ZNF488: variants seen among roughly 807,000 people sequenced by gnomAD.
ZNF488 encodes zinc finger protein 488.
ZNF488 carries 1 observed loss-of-function variant against 1.2 expected under a neutral mutation model. That is an observed-to-expected ratio of 0.86 (90% CI 0.30 to 4.07). The LOEUF is 4.07. Among genes scored for constraint, ZNF488 ranks in the 30% most tolerant of loss-of-function variants. The pLI is 0.18. For synonymous variants in ZNF488, 185 were observed against 190.1 expected (o/e 0.97, Z 0.22); for missense variants, 450 against 437.9 (o/e 1.03, Z -0.25).
chr10:47,368,284 T>G lies in ZNF488; in HGVS notation c.546A>C (p.Ala182=), dbSNP rs1389107095. Residue 182 remains alanine, a synonymous_variant, in exon 2 of 2, where the codon GCA becomes GCC. Coordinates refer to ENST00000585316, the MANE Select transcript of ZNF488 (RefSeq NM_153034.4). ...ERPELTSVFP[A]GESADALGEL... ...CCCCCAGGGCATCTGCAGATTCCCC[T>G]GCAGGGAAGACTGAGGTTAGCTCAG... 1.5e-5 allele frequency: 25 copies of G among 1,614,098 alleles called. No homozygotes were observed. The highest frequency in any genetic ancestry group is 2.1e-5 in the Non-Finnish European group (25 of 1,180,044).
At position 47,367,884 on chromosome 10, in the gene ZNF488, C is replaced by G. The variant is rs201321161; in HGVS notation, c.946G>C (p.Ala316Pro). The change falls in exon 2 of 2, where the codon GCC (alanine) becomes CCC (proline). Residue 316 changes from alanine to proline, a missense_variant. Ala to Pro is a conservative substitution (Grantham distance 27, BLOSUM62 -1). Coordinates refer to ENST00000585316, the MANE Select transcript of ZNF488 (RefSeq NM_153034.4). ...TCCTGGCACACAGGGCAGGCAAGGGCCTCTTCTCTCCGCTTCTGAGAATGT... is the reference window on the plus strand; with the variant it reads ...TCCTGGCACACAGGGCAGGCAAGGGGCTCTTCTCTCCGCTTCTGAGAATGT... ...DPHSQKRREE[A>P]LACPVCQEHF... 3.7e-6 allele frequency: 6 copies of G among 1,613,988 alleles called. No homozygotes were observed. Among genetic ancestry groups the G allele is most frequent in the Non-Finnish European group, 5.1e-6 (6 of 1,180,008 alleles).
At chr10:47,377,524 A>T (rs1555214554) in intron 1 of ZNF488, among the ~76,000 whole-genome samples, 1 of 151,946 alleles carries the variant, frequency 6.6e-6, no homozygotes, top group Non-Finnish European at 1.5e-5. Flanking sequence ...GGACTCTCTC[A>T]CAGAACAATA....
intron 1 of ZNF488, among the ~76,000 whole-genome samples, chr10:47,379,562 G>A (rs1328955146): frequency 1.4e-5 from 2 of 145,466 alleles, no homozygotes; most frequent in African/African-American, 5.2e-5. Context: ...ATGGAGTAAG[G>A]TCAGTAAGGC....
At chr10:47,381,058 G>C (rs1208797795) in intron 1 of ZNF488, among the ~76,000 whole-genome samples, 3 of 152,294 alleles carry the variant, frequency 2.0e-5, no homozygotes, top group African/African-American at 7.2e-5. Context: ...AACAGCCTGG[G>C]CATTTTTCTC....
Position 47,367,586 on chromosome 10 carries a change from C to A in ZNF488, c.*221G>T, listed in dbSNP as rs1236060766. On this transcript the variant is annotated 3_prime_UTR_variant, in exon 2 of 2. Coordinates refer to ENST00000585316, the MANE Select transcript of ZNF488 (RefSeq NM_153034.4). ...CTCTGTGCCTGTTAGGGCCTCTACC[C>A]TGGATTTGCAAAGCCCATCACTTTA... is the stretch of plus-strand genomic sequence containing the variant. 4 of 621,280 alleles carry A rather than the reference C, an allele frequency of 6.4e-6. No homozygotes were observed. The highest frequency in any genetic ancestry group is 1.1e-5 in the Non-Finnish European group (4 of 355,518). 38.5% of individuals were successfully genotyped at this position (621,280 alleles called of 1,614,324 possible). A position where few individuals can be genotyped will look rare whatever the true frequency, so the allele number is the denominator to read the frequency against.
intron 1 of ZNF488, among the ~76,000 whole-genome samples, chr10:47,383,805 G>T (rs1838077257): frequency 6.6e-6 from 1 of 152,064 alleles, no homozygotes; most frequent in Admixed American, 6.5e-5. Flanking sequence ...GACAGTGGGA[G>T]GGAGGAAAAC....
chr10:47,373,019 G>A (rs1555214043), intron 1 of ZNF488, among the ~76,000 whole-genome samples: 1 of 152,196 alleles, frequency 6.6e-6, no homozygotes, highest in Non-Finnish European at 1.5e-5. Flanking sequence ...GGCAGACTGA[G>A]CTCTGTGGCT....
Position 47,368,666 on chromosome 10 carries a change from C to T in ZNF488, c.164G>A (p.Arg55His), listed in dbSNP as rs374041008. 1.1e-4 allele frequency: 171 copies of T among 1,612,000 alleles called. 1 individual carries two copies. The South Asian group carries it at 1.2e-3, about 12-fold the overall frequency. ...CKPVLLEKTN[R>H]LGPEAAVGRA... The stretch of plus-strand genomic sequence containing the variant: ...GCCCACAGCAGCCTCAGGGCCCAGG[C>T]GGTTCGTCTTCTCGAGCAGCACTGG... Residue 55 changes from arginine (R) to histidine (H), a missense_variant, in exon 2 of 2, where the codon CGC (arginine) becomes CAC (histidine). Physicochemically the swap from Arg to His is conservative, Grantham distance 29 (BLOSUM62 0). Coordinates refer to ENST00000585316, the MANE Select transcript of ZNF488 (RefSeq NM_153034.4).
chr10:47,370,478 A>T (rs1837424033), intron 1 of ZNF488, among the ~76,000 whole-genome samples: 1 of 152,224 alleles, frequency 6.6e-6, no homozygotes, highest in Non-Finnish European at 1.5e-5. Context: ...GGGTGCCAAG[A>T]GTCACCTTAA....
chr10:47,377,848 C>A (rs1189898648), intron 1 of ZNF488, among the ~76,000 whole-genome samples: 1 of 152,198 alleles, frequency 6.6e-6, no homozygotes, highest in Non-Finnish European at 1.5e-5. Flanking sequence ...GTGTTTGCAC[C>A]CTGGTTGAGG....
intron 1 of ZNF488, among the ~76,000 whole-genome samples, chr10:47,381,251 G>A (rs1263366860): frequency 6.6e-6 from 1 of 152,264 alleles, no homozygotes; most frequent in Non-Finnish European, 1.5e-5. Flanking sequence ...CTCCCCCCAA[G>A]CAGTGCTTTG....
In ZNF488 at chr10:47,368,498, C is replaced by CA. The variant is rs1662729700; in HGVS notation, c.331_332insT (p.Arg111LeufsTer14). The CA allele has an allele frequency of 1.2e-6, 2 of 1,613,854 alleles. No individual in the cohort carries two copies. Among genetic ancestry groups the CA allele is most frequent in the Non-Finnish European group, 1.7e-6 (2 of 1,179,972 alleles). On this transcript the variant is annotated frameshift_variant, in exon 2 of 2. Coordinates refer to ENST00000585316, the MANE Select transcript of ZNF488 (RefSeq NM_153034.4). LOFTEE classifies it low-confidence loss of function (END_TRUNC). ...CTCCTGGGCCTGAGCATCCACCTGC[C>CA]GGTCCTTCATCCTCGGCAGCTCCGT...
chr10:47,372,950 T>C (rs930550691), intron 1 of ZNF488, among the ~76,000 whole-genome samples: 8 of 152,110 alleles, frequency 5.3e-5, no homozygotes, highest in African/African-American at 1.9e-4. Context: ...CCCACTGGAA[T>C]CAGGCACCTC....
chr10:47,369,518 G>A (rs781431246), intron 1 of ZNF488, among the ~76,000 whole-genome samples: 8 of 152,082 alleles, frequency 5.3e-5, no homozygotes, highest in Non-Finnish European at 1.0e-4. Context: ...TCTCTGTCCC[G>A]ACCCTAATTT....
In ZNF488 at chr10:47,368,497, C is replaced by A; in HGVS notation, c.333G>T (p.Arg111=). The change falls in exon 2 of 2, where the codon CGG becomes CGT. Residue 111 remains arginine (R), a synonymous_variant. Coordinates refer to ENST00000585316, the MANE Select transcript of ZNF488 (RefSeq NM_153034.4). ...TCTCCTGGGCCTGAGCATCCACCTGCCGGTCCTTCATCCTCGGCAGCTCCG... is the reference window on the plus strand; with the variant it reads ...TCTCCTGGGCCTGAGCATCCACCTGACGGTCCTTCATCCTCGGCAGCTCCG... ...AFTELPRMKD[R]QVDAQAQERE... The A allele has an allele frequency of 6.2e-7, 1 of 1,613,900 alleles. No homozygotes were observed. The highest frequency in any genetic ancestry group is 1.1e-5 in the South Asian group (1 of 91,070).
intron 1 of ZNF488, among the ~76,000 whole-genome samples, chr10:47,375,922 A>G (rs1387822359): frequency 2.6e-5 from 4 of 152,186 alleles, no homozygotes; most frequent in Non-Finnish European, 5.9e-5. Context: ...AGAACGGCAC[A>G]CGCGAATGCC....
In ZNF488 at chr10:47,375,035, C is replaced by T. The variant is rs372902186; in HGVS notation, c.-108-6098G>A. ...TTACTGTGGCACTTAATAAAGCTCA[C>T]CCCCTGACGAAACTGAGTGGACACA... On this transcript the variant is annotated intron_variant, in intron 1 of 1. Coordinates refer to ENST00000585316, the MANE Select transcript of ZNF488 (RefSeq NM_153034.4). Among the ~76,000 whole-genome samples the T allele has an allele frequency of 2.9e-4, 44 of 152,320 alleles. 1 individual carries two copies. The South Asian group carries it at 8.9e-3, about 31-fold the overall frequency.
rs934188597 is a variant in ZNF488 at position 47,379,172 on chromosome 10, G to T, written c.-109+5048C>A. Among the ~76,000 whole-genome samples the T allele has an allele frequency of 6.1e-5, 8 of 131,740 alleles. No individual in the cohort carries two copies. The East Asian group carries it at 6.5e-4, about 11-fold the overall frequency. 86.4% of individuals were successfully genotyped at this position (131,740 alleles called of 152,430 possible). A position where few individuals can be genotyped will look rare whatever the true frequency, so the allele number is the denominator to read the frequency against. The stretch of plus-strand genomic sequence containing the variant: ...TCAGAATAGAAGTTACCATTTATCG[G>T]CTACGTAAGTATCTACATGACAAAC... On this transcript the variant is annotated intron_variant, in intron 1 of 1. Transcript: ENST00000585316.
At chr10:47,377,671 T>TCTCACACACA (rs1555214622) in intron 1 of ZNF488, among the ~76,000 whole-genome samples, 2 of 104,952 alleles carry the variant, frequency 1.9e-5, no homozygotes, top group African/African-American at 3.6e-5. Context: ...GCAATAACAA[T>TCTCACACACA]CACACACACA....
Sources: allele counts gnomAD v4.1 joint callset (sites outside exome capture counted in the v4.1 genomes callset), GRCh38; gene constraint gnomAD v4.1.1; transcripts MANE v1.5; gene names NCBI Gene and HGNC (gene_info 2026-07-23, HGNC 2026-07-21).